NRG1: variants seen among roughly 807,000 people sequenced by gnomAD.
NRG1 encodes neuregulin 1, also known as pro-neuregulin-1, membrane-bound isoform.
In NRG1, 18 loss-of-function variants were observed where a neutral mutation model predicts 63.8. The observed-to-expected ratio is 0.28, with a 90% CI of 0.19 to 0.42. The LOEUF (loss-of-function observed/expected upper bound fraction) is 0.42, where lower values mean the gene tolerates loss of function less well. Among genes scored for constraint, NRG1 ranks in the 10% least tolerant of loss-of-function variants. NRG1 has a pLI of 1.00. For missense variants in NRG1, 762 were observed against 814.7 expected, an observed-to-expected ratio of 0.94 and a Z score of 0.79; for synonymous variants, 302 against 301.3, an observed-to-expected ratio of 1.00 and a Z score of -0.02.
intron 1 of NRG1, among the ~76,000 whole-genome samples, chr8:32,179,802 T>G (rs762858797): frequency 3.9e-5 from 6 of 152,194 alleles, no homozygotes; most frequent in Admixed American, 2.6e-4. Flanking sequence ...TTTACTTTCC[T>G]CTAGTAGAAG....
At chr8:32,748,335 G>GCACACACACA (rs548320218) in intron 7 of NRG1, among the ~76,000 whole-genome samples, 2 of 95,632 alleles carry the variant, frequency 2.1e-5, no homozygotes, top group South Asian at 3.9e-4. Flanking sequence ...ACACGCGCGC[G>GCACACACACA]CGCGCACACA....
chr8:32,491,525 G>T (rs1350709293), intron 1 of NRG1, among the ~76,000 whole-genome samples: 1 of 152,184 alleles, frequency 6.6e-6, no homozygotes, highest in African/African-American at 2.4e-5. Flanking sequence ...TGCAAACGAA[G>T]TAGAAGCTTC....
intron 6 of NRG1, among the ~76,000 whole-genome samples, chr8:32,733,927 C>G (rs899138983): frequency 6.6e-6 from 1 of 152,128 alleles, no homozygotes; most frequent in East Asian, 1.9e-4. Context: ...TTCTCTGAGA[C>G]ACGGTAACAT....
At chr8:32,470,856 G>A (rs1192856890) in intron 1 of NRG1, among the ~76,000 whole-genome samples, 1 of 151,694 alleles carries the variant, frequency 6.6e-6, no homozygotes, top group Non-Finnish European at 1.5e-5. Flanking sequence ...TGGGGAAAGT[G>A]GCATGATGAT....
intron 1 of NRG1, among the ~76,000 whole-genome samples, chr8:32,229,549 G>A (rs1157381697): frequency 6.6e-6 from 1 of 152,090 alleles, no homozygotes; most frequent in African/African-American, 2.4e-5. Flanking sequence ...ATAAGGCCAT[G>A]GCTGTAACAG....
intron 1 of NRG1, among the ~76,000 whole-genome samples, chr8:32,179,524 C>A (rs909061798): frequency 6.6e-6 from 1 of 152,184 alleles, no homozygotes; most frequent in African/African-American, 2.4e-5. Flanking sequence ...GATGTCATGT[C>A]CATTAAGTAA....
intron 1 of NRG1, among the ~76,000 whole-genome samples, chr8:32,101,367 T>C (rs1280428097): frequency 6.6e-6 from 1 of 152,144 alleles, no homozygotes; most frequent in Non-Finnish European, 1.5e-5. Flanking sequence ...AAAGCAGCGT[T>C]GCTCAAAACA....
At chr8:32,356,059 G>T (rs1429018713) in intron 1 of NRG1, among the ~76,000 whole-genome samples, 1 of 152,126 alleles carries the variant, frequency 6.6e-6, no homozygotes, top group East Asian at 1.9e-4. Flanking sequence ...ATTGTACCAT[G>T]ACTCACCAGG....
At chr8:32,728,727 ACT>A (rs1822893399) in intron 6 of NRG1, 1 of 885,820 alleles carries the variant, frequency 1.1e-6, no homozygotes, top group Non-Finnish European at 1.4e-6. Flanking sequence ...CTAGAATAGC[ACT>A]GTCTTTCCAA....
At chr8:32,498,502 T>C (rs10808327) in intron 1 of NRG1, among the ~76,000 whole-genome samples, 41,954 of 152,052 alleles carry the variant, frequency 0.28, 6,184 homozygotes, top group South Asian at 0.35. Flanking sequence ...AAAAGCCCCT[T>C]ATAAAACCAT....
intron 1 of NRG1, among the ~76,000 whole-genome samples, chr8:32,217,084 A>C (rs530441244): frequency 1.3e-5 from 2 of 151,866 alleles, no homozygotes; most frequent in Non-Finnish European, 2.9e-5. Flanking sequence ...GTGGTGGCAC[A>C]TGTCTGTAAT....
At chr8:32,653,986 T>C (rs1855721792) in intron 5 of NRG1, among the ~76,000 whole-genome samples, 1 of 151,412 alleles carries the variant, frequency 6.6e-6, no homozygotes, top group Non-Finnish European at 1.5e-5. Flanking sequence ...GTGTAGACAT[T>C]CAAAGGGTGT....
At chr8:32,167,768 G>T (rs1839552325) in intron 1 of NRG1, among the ~76,000 whole-genome samples, 1 of 152,212 alleles carries the variant, frequency 6.6e-6, no homozygotes, top group South Asian at 2.1e-4. Flanking sequence ...ATGGCATCTG[G>T]TACAGATTGA....
intron 5 of NRG1, among the ~76,000 whole-genome samples, chr8:32,689,688 G>T (rs900927830): frequency 2.0e-5 from 3 of 151,988 alleles, no homozygotes; most frequent in African/African-American, 7.3e-5. Flanking sequence ...ATACATATAT[G>T]TATGTGTAAT....
intron 1 of NRG1, among the ~76,000 whole-genome samples, chr8:31,824,252 C>T (rs547468287): frequency 2.5e-4 from 37 of 147,130 alleles, no homozygotes; most frequent in Non-Finnish European, 4.7e-4. Flanking sequence ...TCAATTCCCA[C>T]CTGTGAGTGA....
chr8:32,176,393 A>T (rs1463356558), intron 1 of NRG1, among the ~76,000 whole-genome samples: 2 of 152,206 alleles, frequency 1.3e-5, no homozygotes, highest in Non-Finnish European at 2.9e-5. Flanking sequence ...AATCTAGGCA[A>T]TACCATTCAG....
chr8:32,141,592 GTATATATATATATATATATATATATA>G (rs59251868), intron 1 of NRG1, among the ~76,000 whole-genome samples: 1 of 71,790 alleles, frequency 1.4e-5, no homozygotes, highest in Non-Finnish European at 2.8e-5. Context: ...ATGTGTGTGG[GTATATATATATATATATATATATATA>G]TATATATATA....
chr8:32,554,322 G>A (rs1458184713), intron 1 of NRG1, among the ~76,000 whole-genome samples: 1 of 151,438 alleles, frequency 6.6e-6, no homozygotes, highest in Non-Finnish European at 1.5e-5. Flanking sequence ...GTTTTAATGG[G>A]TTAAAAAAAA....
At chr8:32,173,008 G>C (rs1232108556) in intron 1 of NRG1, among the ~76,000 whole-genome samples, 4 of 152,000 alleles carry the variant, frequency 2.6e-5, no homozygotes, top group East Asian at 1.9e-4. Flanking sequence ...GATACTCCTC[G>C]AGAAGAGCAA....
Sources: allele counts gnomAD v4.1 joint callset (sites outside exome capture counted in the v4.1 genomes callset), GRCh38; gene constraint gnomAD v4.1.1; transcripts MANE v1.5; gene names NCBI Gene and HGNC (gene_info 2026-07-23, HGNC 2026-07-21).